CCDC7: variants seen among roughly 807,000 people sequenced by gnomAD.
CCDC7 encodes the protein coiled-coil domain-containing protein 7.
In CCDC7, 183 loss-of-function variants were observed where a neutral mutation model predicts 196.9. The observed-to-expected ratio is 0.93, with a 90% CI of 0.82 to 1.05. CCDC7 has a LOEUF of 1.05. CCDC7 is among the 50% of genes least tolerant of loss of function. The pLI is 0.00. For missense variants in CCDC7, 1,540 were observed against 1,482.2 expected, an observed-to-expected ratio of 1.04 and a Z score of -0.64; for synonymous variants, 525 against 484.6, an observed-to-expected ratio of 1.08 and a Z score of -1.10.
At chr10:32,810,793 A>G (rs566993420) in intron 30 of CCDC7, among the ~76,000 whole-genome samples, 2 of 152,280 alleles carry the variant, frequency 1.3e-5, no homozygotes, top group Admixed American at 6.5e-5. Context: ...ACAAATTTTT[A>G]AAAATCAAAA....
chr10:32,548,916 G>A (rs1304812801), intron 13 of CCDC7, among the ~76,000 whole-genome samples: 3 of 152,094 alleles, frequency 2.0e-5, no homozygotes, highest in South Asian at 2.1e-4. Context: ...CATTTTCTCT[G>A]GGTAGATACC....
At chr10:32,706,613 C>T (rs143291823) in intron 24 of CCDC7, among the ~76,000 whole-genome samples, 5,323 of 151,582 alleles carry the variant, frequency 0.035, 310 homozygotes, top group African/African-American at 0.12. Context: ...ATCAAATAGA[C>T]GCAATAAAAA....
At position 32,641,021 on chromosome 10, in the gene CCDC7, C is replaced by G. The variant is rs139351946; in HGVS notation, c.2014+5863C>G. 2.0e-5 allele frequency among the ~76,000 whole-genome samples: 3 copies of G among 152,146 alleles called. No individual in the cohort carries two copies. In the East Asian group the frequency reaches 5.8e-4, roughly 29 times the overall value. ...GGTATGGATTTTCTGCCGAGAGATC[C>G]GCTGTTACTCTGATGGTCTTCCCTT... is the stretch of plus-strand genomic sequence containing the variant. On this transcript the variant is annotated intron_variant, in intron 20 of 41. Transcript: ENST00000639629.
At chr10:32,646,878 C>T (rs751679934) in intron 20 of CCDC7, among the ~76,000 whole-genome samples, 5 of 152,172 alleles carry the variant, frequency 3.3e-5, no homozygotes, top group Non-Finnish European at 7.3e-5. Context: ...ATTATGCCCT[C>T]CAGCTCCATC....
intron 21 of CCDC7, among the ~76,000 whole-genome samples, chr10:32,677,187 G>T (rs1483675210): frequency 7.0e-6 from 1 of 142,734 alleles, no homozygotes; most frequent in Non-Finnish European, 1.5e-5. Context: ...GACACAGGAA[G>T]GGGAACATCA....
At chr10:32,833,356 A>ATT (rs1474688075) in intron 32 of CCDC7, among the ~76,000 whole-genome samples, 22,162 of 89,584 alleles carry the variant, frequency 0.25, 1,798 homozygotes, top group East Asian at 0.48. Flanking sequence ...CTTTTTTTAA[A>ATT]AAAAAAAAAA....
chr10:32,621,219 C>T (rs2063371605), intron 18 of CCDC7, among the ~76,000 whole-genome samples: 1 of 152,162 alleles, frequency 6.6e-6, no homozygotes, highest in Admixed American at 6.6e-5. Context: ...GATATAGATG[C>T]TTTCATGAAT....
At chr10:32,458,084 A>G (rs2034760254) in intron 3 of CCDC7, among the ~76,000 whole-genome samples, 1 of 152,048 alleles carries the variant, frequency 6.6e-6, no homozygotes, top group African/African-American at 2.4e-5. Context: ...TTGAGGTCCT[A>G]TGCATAAAAT....
intron 9 of CCDC7, among the ~76,000 whole-genome samples, chr10:32,505,019 A>G (rs1342701038): frequency 6.6e-6 from 1 of 152,146 alleles, no homozygotes; most frequent in Non-Finnish European, 1.5e-5. Context: ...TAAATAGGCT[A>G]TTATTATATT....
rs80211348 is a variant in CCDC7, at chr10:32,659,817, A to G, written c.2015-4237A>G. 8.0e-3 allele frequency among the ~76,000 whole-genome samples: 1,214 copies of G among 152,342 alleles called. 7 individuals carry two copies. Among genetic ancestry groups the G allele is most frequent in the Middle Eastern group, 0.02 (6 of 294 alleles). ...CAGAATGGCTATTACTAAAAAGCCC[A>G]AAAAGAACTGATGCTGGCAAAGTTG... On this transcript the variant is annotated intron_variant, in intron 20 of 41. Coordinates refer to ENST00000639629, the Ensembl canonical transcript of CCDC7.
intron 1 of CCDC7, 128 bp downstream of exon 2, chr10:32,452,049 CAT>C (rs2033213260): frequency 7.7e-7 from 1 of 1,300,456 alleles, no homozygotes; most frequent in Non-Finnish European, 1.0e-6. Context: ...ACAGTAGGCA[CAT>C]GAGGTGAAAT....
chr10:32,600,714 A>T (rs749152966), intron 18 of CCDC7, among the ~76,000 whole-genome samples: 1 of 152,170 alleles, frequency 6.6e-6, no homozygotes, highest in Non-Finnish European at 1.5e-5. Flanking sequence ...ATTATTTCTT[A>T]TTAATTTGTC....
intron 9 of CCDC7, among the ~76,000 whole-genome samples, chr10:32,503,294 G>A (rs1161134295): frequency 1.3e-5 from 2 of 152,052 alleles, no homozygotes; most frequent in African/African-American, 4.8e-5. Flanking sequence ...CTGATATATG[G>A]ATTTTATTAT....
intron 24 of CCDC7, among the ~76,000 whole-genome samples, chr10:32,710,896 A>G (rs773715446): frequency 9.9e-5 from 15 of 152,188 alleles, no homozygotes; most frequent in Non-Finnish European, 1.2e-4. Flanking sequence ...TACTGCAACA[A>G]CATAAGCAAG....
chr10:32,659,609 C>T (rs2070787233), intron 20 of CCDC7, among the ~76,000 whole-genome samples: 1 of 152,056 alleles, frequency 6.6e-6, no homozygotes, highest in Non-Finnish European at 1.5e-5. Context: ...GAAACTAAAA[C>T]ACATTTACAA....
chr10:32,471,276 G>T (rs368061010), intron 6 of CCDC7, 46 bp downstream of exon 7: 4 of 1,579,034 alleles, frequency 2.5e-6, no homozygotes, highest in South Asian at 2.4e-5. Flanking sequence ...AGTAAGAAAG[G>T]GTATATAATT....
At chr10:32,454,840 C>A (rs1259413787) in intron 2 of CCDC7, among the ~76,000 whole-genome samples, 1 of 152,184 alleles carries the variant, frequency 6.6e-6, no homozygotes, top group African/African-American at 2.4e-5. Context: ...CTTTCCCACT[C>A]AGTCTGTCCA....
chr10:32,657,997 C>T (rs549231548), intron 20 of CCDC7, among the ~76,000 whole-genome samples: 12 of 152,252 alleles, frequency 7.9e-5, no homozygotes, highest in South Asian at 2.1e-4. Context: ...ATTCCAGTTC[C>T]GAACAACTTC....
At chr10:32,543,170 A>T (rs1164649579) in intron 11 of CCDC7, 130 bp from the exon 13 acceptor site, 1 of 954,100 alleles carries the variant, frequency 1.0e-6, no homozygotes, top group East Asian at 3.7e-5. Context: ...TTCTATGCAG[A>T]TAATTTTTCC....
Sources: allele counts gnomAD v4.1 joint callset (sites outside exome capture counted in the v4.1 genomes callset), GRCh38; gene constraint gnomAD v4.1.1; transcripts MANE v1.5; gene names NCBI Gene and HGNC (gene_info 2026-07-23, HGNC 2026-07-21).